Variants in RHCE observed in about 807,000 individuals in gnomAD.
The protein encoded by RHCE is Rh blood group CcEe antigens.
A neutral mutation model predicts 43.8 loss-of-function variants in RHCE; 22 were observed. The observed-to-expected ratio is 0.50, with a 90% CI of 0.36 to 0.72. The LOEUF is 0.72. Ranked by LOEUF, RHCE falls within the 30% of genes least tolerant of loss-of-function variation. The pLI, the probability that RHCE is intolerant of heterozygous loss-of-function variation, is 0.00. For missense variants in RHCE, 385 were observed against 525.4 expected (o/e 0.73, Z 2.61); for synonymous variants, 156 against 210.7 (o/e 0.74, Z 2.25).
upstream of RHCE, among the ~76,000 whole-genome samples, chr1:25,424,666 G>A (rs1023973831): frequency 6.6e-6 from 1 of 152,068 alleles, no homozygotes; most frequent in Non-Finnish European, 1.5e-5. Flanking sequence ...GGGATTATAA[G>A]TGTGAGCCAC....
intron 3 of RHCE, among the ~76,000 whole-genome samples, chr1:25,401,375 A>G (rs1401516815): frequency 1.3e-5 from 2 of 152,144 alleles, no homozygotes; most frequent in African/African-American, 4.8e-5. Flanking sequence ...AGTCCAGTGC[A>G]CTTTCTTCTA....
At chr1:25,389,552 G>T (rs1571867416) in intron 5 of RHCE, among the ~76,000 whole-genome samples, 1 of 152,256 alleles carries the variant, frequency 6.6e-6, no homozygotes, top group East Asian at 1.9e-4. Flanking sequence ...GGGATTACAG[G>T]TGTGAGCCAC....
intron 9 of RHCE, among the ~76,000 whole-genome samples, chr1:25,369,041 G>A (rs1383583716): frequency 2.6e-5 from 4 of 151,762 alleles, no homozygotes; most frequent in Non-Finnish European, 4.4e-5. Context: ...GATTACAGGC[G>A]TGAGCCACCA....
chr1:25,401,557 T>C (rs998195632), intron 3 of RHCE, among the ~76,000 whole-genome samples: 1 of 152,206 alleles, frequency 6.6e-6, no homozygotes, highest in Non-Finnish European at 1.5e-5. Context: ...GAGAGCCATT[T>C]GGATTGGCCT....
intron 7 of RHCE, among the ~76,000 whole-genome samples, chr1:25,379,580 C>A (rs566758304): frequency 6.9e-6 from 1 of 145,200 alleles, no homozygotes; most frequent in East Asian, 2.1e-4. Context: ...TCATAGCTCA[C>A]TGCAGCCTCA....
chr1:25,370,678 A>G, intron 8 of RHCE, 138 bp from the exon 9 acceptor site: 2 of 703,888 alleles, frequency 2.8e-6, no homozygotes, highest in South Asian at 3.2e-5. Flanking sequence ...AAAGACAAAT[A>G]AATGGACGCC....
At chr1:25,422,937 T>G (rs541213982), upstream of RHCE, among the ~76,000 whole-genome samples, 1 of 152,282 alleles carries the variant, frequency 6.6e-6, no homozygotes, top group Admixed American at 6.5e-5. Context: ...GCTGCTGATC[T>G]GACAGGAGGC....
intron 3 of RHCE, among the ~76,000 whole-genome samples, chr1:25,397,353 C>G (rs1299873298): frequency 6.6e-6 from 1 of 151,040 alleles, no homozygotes; most frequent in Non-Finnish European, 1.5e-5. Context: ...AAAAGTAAGC[C>G]AGGCGTGGTG....
intron 4 of RHCE, among the ~76,000 whole-genome samples, chr1:25,391,604 G>A (rs1191777396): frequency 6.6e-6 from 1 of 152,006 alleles, no homozygotes; most frequent in Non-Finnish European, 1.5e-5. Context: ...TCTCCCAGCA[G>A]TCTAAGTTCA....
At position 25,362,432 on chromosome 1, in the gene RHCE, G is replaced by T. The variant is rs1448601010; in HGVS notation, c.*95C>A. On this transcript the variant is annotated 3_prime_UTR_variant, in exon 10 of 10. Coordinates refer to ENST00000294413, the MANE Select transcript of RHCE (RefSeq NM_020485.8). ...GTTTCATTATACATAAGGAGACTTTGCTGTCATGAGCGTTTCTCACGTACA... is the reference window on the plus strand; with the variant it reads ...GTTTCATTATACATAAGGAGACTTTTCTGTCATGAGCGTTTCTCACGTACA... The T allele has an allele frequency of 1.2e-6, 2 of 1,613,372 alleles. No homozygotes were observed. Among genetic ancestry groups the T allele is most frequent in the Admixed American group, 3.3e-5 (2 of 59,910 alleles).
chr1:25,370,579 C>G (rs1557596786), intron 8 of RHCE, 39 bp from the exon 9 acceptor site: 2 of 1,529,976 alleles, frequency 1.3e-6, no homozygotes, highest in Admixed American at 1.7e-5. Context: ...AGATTTGGAG[C>G]ACAGGATTTT....
upstream of RHCE, chr1:25,420,870 G>A (rs1250530749): frequency 2.5e-5 from 39 of 1,555,920 alleles, no homozygotes; most frequent in Non-Finnish European, 3.0e-5. Flanking sequence ...TTGAGGGAGC[G>A]ATAGGGGAGA....
intron 2 of RHCE, among the ~76,000 whole-genome samples, chr1:25,404,564 G>A (rs1397515971): frequency 1.3e-5 from 2 of 149,994 alleles, no homozygotes; most frequent in Non-Finnish European, 3.0e-5. Flanking sequence ...CTTAACTCAG[G>A]AGCGTGTGTG....
At chr1:25,398,741 G>T in intron 3 of RHCE, 1 of 1,600,630 alleles carries the variant, frequency 6.2e-7, no homozygotes, top group East Asian at 2.2e-5. Context: ...TCTGGAGGCT[G>T]AGTGCCGTTT....
At chr1:25,374,511 G>C (rs1290247665) in intron 8 of RHCE, among the ~76,000 whole-genome samples, 1 of 150,586 alleles carries the variant, frequency 6.6e-6, no homozygotes, top group African/African-American at 2.5e-5. Flanking sequence ...ATCTCCAGTG[G>C]CTTCCCATCT....
intron 1 of RHCE, among the ~76,000 whole-genome samples, chr1:25,414,824 T>C (rs1436983636): frequency 6.6e-6 from 1 of 152,104 alleles, no homozygotes; most frequent in Non-Finnish European, 1.5e-5. Flanking sequence ...TGCAGATGCA[T>C]GAATGACCCT....
At chr1:25,397,556 C>T (rs545146441) in intron 3 of RHCE, among the ~76,000 whole-genome samples, 11 of 151,962 alleles carry the variant, frequency 7.2e-5, no homozygotes, top group African/African-American at 2.7e-4. Context: ...TTTTCCACCC[C>T]AAACATCCCC....
intron 1 of RHCE, among the ~76,000 whole-genome samples, chr1:25,417,807 T>C (rs573793421): frequency 6.6e-5 from 10 of 152,300 alleles, no homozygotes; most frequent in South Asian, 4.1e-4. Flanking sequence ...ATCAGAAGGT[T>C]GAAGCCCTCG....
At chr1:25,402,877 T>C (rs1256911874) in intron 2 of RHCE, 131 bp from the exon 3 acceptor site, 2 of 1,329,650 alleles carry the variant, frequency 1.5e-6, no homozygotes, top group Middle Eastern at 2.2e-4. Flanking sequence ...ACAAGATTTC[T>C]ACCCACCTGG....
Sources: allele counts gnomAD v4.1 joint callset (sites outside exome capture counted in the v4.1 genomes callset), GRCh38; gene constraint gnomAD v4.1.1; transcripts MANE v1.5; gene names NCBI Gene and HGNC (gene_info 2026-07-23, HGNC 2026-07-21).